The following CFAP99 variants were observed in gnomAD, a reference collection of about 807,000 sequenced individuals.
CFAP99 encodes the protein cilia and flagella associated protein 99, also known as cilia- and flagella-associated protein 99.
In CFAP99, 84 loss-of-function variants were observed where a neutral mutation model predicts 82.7. The observed-to-expected ratio is 1.02, with a 90% CI of 0.85 to 1.22. The LOEUF is 1.22. CFAP99 is among the 50% of genes most tolerant of loss of function. CFAP99 has a pLI of 0.00. For missense variants in CFAP99, 1,059 were observed against 983.5 expected (o/e 1.08, Z -1.03); for synonymous variants, 456 against 429.5 (o/e 1.06, Z -0.76).
At chr4:2,442,704 G>A (rs987227522) in intron 4 of CFAP99, among the ~76,000 whole-genome samples, 2 of 152,166 alleles carry the variant, frequency 1.3e-5, no homozygotes, top group Non-Finnish European at 1.5e-5. Context: ...CCAAGCTGAG[G>A]ATGTGCCGCC....
chr4:2,462,929 C>G lies in CFAP99; in HGVS notation c.*3C>G, dbSNP rs889823966. 2.3e-6 allele frequency: 3 copies of G among 1,283,590 alleles called. No individual in the cohort carries two copies. Among genetic ancestry groups the G allele is most frequent in the South Asian group, 2.5e-5 (1 of 40,358 alleles). The allele number at this position is 1,283,590 out of a possible 1,614,324, so 79.5% of individuals were successfully genotyped here. A position where few individuals can be genotyped will look rare whatever the true frequency, so the allele number is the denominator to read the frequency against. ...CGCGCCGCCTGGAGGCCGCCTGAGC[C>G]GGGCCGAGCGCGCCCCACCCGCTTG... On this transcript the variant is annotated 3_prime_UTR_variant, in exon 15 of 15. Coordinates refer to ENST00000635017, the Ensembl canonical transcript of CFAP99. This position sits in a 1 kb window ranked among gnomAD's most constrained non-coding sequence, Gnocchi z 4.1.
chr4:2,440,164 T>TTTTTTTTTTTTTG (rs1734002268), intron 4 of CFAP99, among the ~76,000 whole-genome samples: 1 of 128,480 alleles, frequency 7.8e-6, no homozygotes, highest in African/African-American at 3.5e-5. Flanking sequence ...TTTTTTTTTT[T>TTTTTTTTTTTTTG]GAGACGGAGT....
At chr4:2,444,627 C>T (rs1463879634) in intron 5 of CFAP99, among the ~76,000 whole-genome samples, 3 of 152,062 alleles carry the variant, frequency 2.0e-5, no homozygotes, top group Admixed American at 1.3e-4. Flanking sequence ...CTCGACAGCA[C>T]CCCCACCCAG....
At chr4:2,433,682 G>A (rs970812935) in intron 2 of CFAP99, among the ~76,000 whole-genome samples, 6 of 152,336 alleles carry the variant, frequency 3.9e-5, no homozygotes, top group African/African-American at 7.2e-5. Context: ...GCGCCCAGGT[G>A]GCCATCTAGC....
chr4:2,427,073 C>G (rs781663670), intron 2 of CFAP99: 1 of 170,400 alleles, frequency 5.9e-6, no homozygotes, highest in Non-Finnish European at 1.3e-5. Flanking sequence ...GTGAGGCTCC[C>G]GGGGAGCCGA....
intron 1 of CFAP99, among the ~76,000 whole-genome samples, chr4:2,424,461 G>GA (rs1181716449): frequency 3.3e-5 from 5 of 151,054 alleles, no homozygotes; most frequent in Admixed American, 2.0e-4. Context: ...CTCAAAAAAA[G>GA]AAAAAAAAAG....
chr4:2,423,716 T>C (rs950191946), intron 1 of CFAP99, among the ~76,000 whole-genome samples: 6 of 152,278 alleles, frequency 3.9e-5, no homozygotes, highest in African/African-American at 1.4e-4. Flanking sequence ...CAGGCAAGCC[T>C]GGCTGCAGCA....
chr4:2,440,093 C>T (rs1390550194), intron 4 of CFAP99, among the ~76,000 whole-genome samples: 10 of 150,082 alleles, frequency 6.7e-5, no homozygotes, highest in Admixed American at 5.3e-4. Context: ...CCGCCTGCCT[C>T]GGCCTCCCAA....
At chr4:2,450,216 T>C (rs1029026663) in intron 8 of CFAP99, 1 of 586,080 alleles carries the variant, frequency 1.7e-6, no homozygotes, top group Middle Eastern at 3.1e-4. Context: ...CGCACCCACA[T>C]CCCCCAGGAG....
At chr4:2,433,395 T>C (rs1195956307) in intron 2 of CFAP99, among the ~76,000 whole-genome samples, 2 of 148,960 alleles carry the variant, frequency 1.3e-5, no homozygotes, top group Admixed American at 6.6e-5. Context: ...GCTCCTGGGC[T>C]CCTCTGACAA....
chr4:2,426,891 A>C, intron 2 of CFAP99: 5 of 295,254 alleles, frequency 1.7e-5, no homozygotes, highest in East Asian at 6.5e-5. Flanking sequence ...CCCATGCCCC[A>C]CCCCCACTTT....
Position 2,462,882 on chromosome 4 carries a change from G to A in CFAP99, c.2101G>A (p.Gly701Arg). The A allele has an allele frequency of 7.2e-7, 1 of 1,381,750 alleles. No individual in the cohort carries two copies. Among genetic ancestry groups the A allele is most frequent in the Non-Finnish European group, 9.4e-7 (1 of 1,067,668 alleles). 85.6% of individuals were successfully genotyped at this position (1,381,750 alleles called of 1,614,324 possible). A position where few individuals can be genotyped will look rare whatever the true frequency, so the allele number is the denominator to read the frequency against. ...GCGCAGGCTGCAGGCGCTGCAGCAG[G>A]GAGGCTCAGGACCCGGGCCCGCGCG... Residue 701 changes from glycine to arginine, a missense_variant, in exon 15 of 15, where the codon GGA becomes AGA. Transcript: ENST00000635017. The surrounding 1 kb of genome is among the most constrained non-coding windows in gnomAD (Gnocchi z 4.1).
At chr4:2,436,732 C>G in intron 2 of CFAP99, 142 bp from the exon 3 acceptor site, 1 of 639,526 alleles carries the variant, frequency 1.6e-6, no homozygotes. Flanking sequence ...GAGGCACTGC[C>G]AGCTGCCTTG....
In CFAP99 at chr4:2,436,932, A is replaced by G. The variant is rs1379352002; in HGVS notation, c.170A>G (p.Tyr57Cys). Residue 57 changes from tyrosine to cysteine, a missense_variant, in exon 3 of 15, where the codon TAC becomes TGC. By Grantham distance (194) the Tyr-to-Cys change is radical. Transcript: ENST00000635017. ...GAGGTTCTGTCTGGGTGCCTCGAGT[A>G]CCGGAAGCTGCTGACCGTCGTGGTG... 5.2e-6 allele frequency: 8 copies of G among 1,535,876 alleles called. No homozygotes were observed. In the Admixed American group the frequency reaches 1.6e-4, roughly 30 times the overall value.
intron 12 of CFAP99, 22 bp downstream of exon 12, chr4:2,458,886 C>G: frequency 6.5e-7 from 1 of 1,528,830 alleles, no homozygotes; most frequent in Non-Finnish European, 8.7e-7. Context: ...CCAGATGTCA[C>G]TGGCCCTACC....
chr4:2,433,176 G>C lies in CFAP99; in HGVS notation c.112-3698G>C, dbSNP rs77678538. ...GGCCCAGAGTGGCCCTGCCCAACCC[G>C]CCTTGCCTGGGGCTGATGGCATAGG... On this transcript the variant is annotated intron_variant, in intron 2 of 14. Transcript: ENST00000635017. Among the ~76,000 whole-genome samples the C allele has an allele frequency of 7.7e-3, 1,173 of 152,328 alleles. 7 individuals carry two copies. Among genetic ancestry groups the C allele is most frequent in the African/African-American group, 0.017 (719 of 41,568 alleles).
At chr4:2,441,453 G>C (rs1734036199) in intron 4 of CFAP99, among the ~76,000 whole-genome samples, 1 of 152,044 alleles carries the variant, frequency 6.6e-6, no homozygotes, top group Non-Finnish European at 1.5e-5. Flanking sequence ...AGGTGGCCCT[G>C]GATCAATCTC....
At chr4:2,458,490 C>A (rs533285656) in intron 11 of CFAP99, among the ~76,000 whole-genome samples, 30 of 152,090 alleles carry the variant, frequency 2.0e-4, no homozygotes, top group Non-Finnish European at 4.0e-4. Context: ...CAGGAAGGTT[C>A]CCCCCAAGAC....
In CFAP99 at chr4:2,443,177, G is replaced by T. The variant is rs762838381; in HGVS notation, c.399G>T (p.Lys133Asn). ...CCCTGCACCTGTGCTCATGGATCAA[G>T]GATGAGTGGAGCCTCATCTACGAGC... The change falls in exon 5 of 15, where the codon AAG (lysine) becomes AAT (asparagine). Residue 133 changes from lysine to asparagine, a missense_variant. Physicochemically the swap from Lys to Asn is moderately conservative, Grantham distance 94. Transcript: ENST00000635017. 1.4e-5 allele frequency: 21 copies of T among 1,535,684 alleles called. No individual in the cohort carries two copies. In the South Asian group the frequency reaches 1.8e-4, roughly 13 times the overall value.
Sources: allele counts gnomAD v4.1 joint callset (sites outside exome capture counted in the v4.1 genomes callset), GRCh38; gene constraint gnomAD v4.1.1; non-coding constraint Gnocchi (gnomAD v3.1); transcripts MANE v1.5; gene names NCBI Gene and HGNC (gene_info 2026-07-23, HGNC 2026-07-21).